MTX2: variants seen among roughly 807,000 people sequenced by gnomAD.
MTX2 encodes metaxin 2.
Under a neutral mutation model 42.3 loss-of-function variants are expected in MTX2, and 35 were observed. The observed-to-expected ratio is 0.83, with a 90% CI of 0.63 to 1.10. The LOEUF is 1.10. MTX2 is among the 50% of genes least tolerant of loss of function. The probability of loss-of-function intolerance (pLI) is 0.00; values close to 1 mark genes in which losing one functional copy is unlikely to be tolerated. For synonymous variants in MTX2, 119 were observed against 100.9 expected (o/e 1.18, Z -1.08); for missense variants, 307 against 304.1 (o/e 1.01, Z -0.07).
chr2:176,278,043 T>C (rs1194414418), intron 1 of MTX2, among the ~76,000 whole-genome samples: 1 of 69,456 alleles, frequency 1.4e-5, no homozygotes, highest in African/African-American at 6.9e-5. Flanking sequence ...TGAAACTGGT[T>C]TTTTTTTTTT....
At chr2:176,297,971 T>C in intron 3 of MTX2, 76 bp downstream of exon 3, 1 of 1,158,412 alleles carries the variant, frequency 8.6e-7, no homozygotes. Context: ...GTTATATTTT[T>C]CCCCTTCCAA....
At chr2:176,323,307 A>G (rs975778428) in intron 3 of MTX2, 85 bp from the exon 4 acceptor site, 5 of 1,095,868 alleles carry the variant, frequency 4.6e-6, no homozygotes, top group African/African-American at 3.1e-5. Context: ...GAAACTATTC[A>G]GTTTAGAAAA....
At chr2:176,324,491 G>A (rs765167018) in intron 4 of MTX2, among the ~76,000 whole-genome samples, 2 of 151,490 alleles carry the variant, frequency 1.3e-5, no homozygotes, top group Admixed American at 1.3e-4. Context: ...ACTCATTTTT[G>A]TGTTGGTTTT....
At chr2:176,337,433 T>C in intron 9 of MTX2, 60 bp from the exon 10 acceptor site, 1 of 1,414,596 alleles carries the variant, frequency 7.1e-7, no homozygotes, top group South Asian at 1.5e-5. Context: ...GGGCCAACTG[T>C]GTTTTCTATT....
chr2:176,330,032 C>T (rs1684822026), intron 8 of MTX2, among the ~76,000 whole-genome samples: 1 of 151,034 alleles, frequency 6.6e-6, no homozygotes, highest in African/African-American at 2.4e-5. Flanking sequence ...ACCCTTAATA[C>T]TAGCCAGCCA....
chr2:176,311,350 A>G (rs1684299161), intron 3 of MTX2, among the ~76,000 whole-genome samples: 1 of 152,162 alleles, frequency 6.6e-6, no homozygotes, highest in African/African-American at 2.4e-5. Flanking sequence ...GTTAGGCTAC[A>G]CGGGGGTCAG....
At chr2:176,287,973 T>C (rs1327791922) in intron 1 of MTX2, among the ~76,000 whole-genome samples, 1 of 149,690 alleles carries the variant, frequency 6.7e-6, no homozygotes, top group Non-Finnish European at 1.5e-5. Context: ...CAAGCCATTT[T>C]CTTACATAAA....
At chr2:176,330,563 G>T (rs1356257267) in intron 8 of MTX2, 21 bp from the exon 9 acceptor site, 2 of 1,504,592 alleles carry the variant, frequency 1.3e-6, no homozygotes, top group East Asian at 4.6e-5. Context: ...ACTTTTCCTT[G>T]GGGTTCATTG....
intron 9 of MTX2, among the ~76,000 whole-genome samples, chr2:176,336,708 A>G (rs557429341): frequency 1.3e-5 from 2 of 152,286 alleles, no homozygotes; most frequent in African/African-American, 4.8e-5. Flanking sequence ...AAATGTTGTT[A>G]CTAAAGAAAG....
At chr2:176,309,944 A>G (rs1237849319) in intron 3 of MTX2, among the ~76,000 whole-genome samples, 3 of 152,124 alleles carry the variant, frequency 2.0e-5, no homozygotes, top group East Asian at 3.9e-4. Flanking sequence ...TGATCCTGTC[A>G]TTATGATATT....
intron 3 of MTX2, among the ~76,000 whole-genome samples, chr2:176,313,515 C>T (rs1330335341): frequency 6.6e-6 from 1 of 151,584 alleles, no homozygotes; most frequent in Non-Finnish European, 1.5e-5. Context: ...GCCTCAGCCT[C>T]CCAAGTAGCT....
chr2:176,290,786 A>G (rs779666186), intron 1 of MTX2, among the ~76,000 whole-genome samples: 3 of 148,782 alleles, frequency 2.0e-5, no homozygotes, highest in Non-Finnish European at 3.0e-5. Flanking sequence ...CATGCTTTAC[A>G]TGTAATATGT....
chr2:176,297,427 G>A (rs1363308479), intron 2 of MTX2, among the ~76,000 whole-genome samples: 1 of 152,132 alleles, frequency 6.6e-6, no homozygotes, highest in Admixed American at 6.6e-5. Flanking sequence ...AATTTTTATT[G>A]CCACGAACTT....
intron 3 of MTX2, among the ~76,000 whole-genome samples, chr2:176,305,045 A>G (rs1684107993): frequency 6.6e-6 from 1 of 152,044 alleles, no homozygotes; most frequent in African/African-American, 2.4e-5. Context: ...TTACTTTTAT[A>G]TTTTTATTGG....
At position 176,314,068 on chromosome 2, in the gene MTX2, A is replaced by C. The variant is rs560057286; in HGVS notation, c.136-9324A>C. Among the ~76,000 whole-genome samples, 12 of 151,924 alleles carry C rather than the reference A, an allele frequency of 7.9e-5. No homozygotes were observed. In the South Asian group the frequency reaches 1.7e-3, roughly 21 times the overall value. ...TCTTCTTTTTTTTTTAACTTAATGC[A>C]GTTAAAGCAAAGTATATTTGATATT... On this transcript the variant is annotated intron_variant, in intron 3 of 9. Transcript: ENST00000249442.
intron 1 of MTX2, among the ~76,000 whole-genome samples, chr2:176,294,033 T>G (rs1683779596): frequency 6.6e-6 from 1 of 152,196 alleles, no homozygotes; most frequent in South Asian, 2.1e-4. Flanking sequence ...TAGAGTTACT[T>G]TCTGAGAATT....
intron 3 of MTX2, among the ~76,000 whole-genome samples, chr2:176,311,912 T>C (rs1684320594): frequency 6.6e-6 from 1 of 152,196 alleles, no homozygotes. Flanking sequence ...CTGCACCCAC[T>C]GCCCATCCAG....
intron 3 of MTX2, among the ~76,000 whole-genome samples, chr2:176,298,955 C>T (rs1297252832): frequency 6.6e-6 from 1 of 152,022 alleles, no homozygotes; most frequent in Non-Finnish European, 1.5e-5. Context: ...TTACTGATTT[C>T]CCTGCTGAAG....
In MTX2 at chr2:176,317,037, T is replaced by TAA. The variant is rs141704247; in HGVS notation, c.136-6355_136-6354insAA. Among the ~76,000 whole-genome samples the TAA allele has an allele frequency of 3.3e-3, 450 of 138,410 alleles. 3 individuals are homozygous for TAA. The highest frequency in any genetic ancestry group is 7.3e-3 in the East Asian group (36 of 4,910). 90.8% of individuals were successfully genotyped at this position (138,410 alleles called of 152,430 possible). ...TTTGGATTTTGACTAAGTGTCTTTT[T>TAA]TAAAAAAAAAAAAACAAAAACTTTT... On this transcript the variant is annotated intron_variant, in intron 3 of 9. Coordinates refer to ENST00000249442, the MANE Select transcript of MTX2 (RefSeq NM_006554.5).
Sources: gnomAD v4.1 joint callset for allele counts (sites outside exome capture counted in the v4.1 genomes callset) on GRCh38, gnomAD v4.1.1 for gene constraint, MANE v1.5 for transcripts, NCBI Gene and HGNC (gene_info 2026-07-23, HGNC 2026-07-21) for gene names.